AP1AR: variants seen among roughly 807,000 people sequenced by gnomAD.
AP1AR encodes the protein AP-1 complex-associated regulatory protein.
A neutral mutation model predicts 46.3 loss-of-function variants in AP1AR; 29 were observed. That is an observed-to-expected ratio of 0.63 (90% CI 0.47 to 0.85). The LOEUF (loss-of-function observed/expected upper bound fraction) is 0.85. Ranked by LOEUF, AP1AR falls within the 40% of genes least tolerant of loss-of-function variation. The probability of loss-of-function intolerance (pLI) is 0.00; values close to 1 mark genes in which losing one functional copy is unlikely to be tolerated. For synonymous variants in AP1AR, 122 were observed against 122.9 expected (o/e 0.99, Z 0.05); for missense variants, 357 against 356.3 (o/e 1.00, Z -0.02).
chr4:112,265,311 C>A (rs776571852), intron 7 of AP1AR: 21 of 402,574 alleles, frequency 5.2e-5, no homozygotes, highest in Non-Finnish European at 8.8e-5. Flanking sequence ...AGATGTGATA[C>A]AATAGCTGAA....
chr4:112,237,372 A>T (rs1004110118), intron 1 of AP1AR, among the ~76,000 whole-genome samples: 3 of 151,882 alleles, frequency 2.0e-5, no homozygotes, highest in African/African-American at 7.2e-5. Context: ...TCCTAAAGTG[A>T]TGGGATTACA....
intron 1 of AP1AR, among the ~76,000 whole-genome samples, chr4:112,247,438 G>C (rs575654663): frequency 1.3e-5 from 2 of 152,318 alleles, no homozygotes; most frequent in African/African-American, 4.8e-5. Context: ...GTCTCACCCA[G>C]ACTCTTTGTA....
At chr4:112,249,840 G>A (rs942976922) in intron 1 of AP1AR, among the ~76,000 whole-genome samples, 29 of 152,082 alleles carry the variant, frequency 1.9e-4, no homozygotes, top group African/African-American at 7.0e-4. Context: ...CACTGTTGAT[G>A]GGAATGTGAA....
Position 112,269,578 on chromosome 4 carries a change from T to C in AP1AR, c.*1169T>C, listed in dbSNP as rs1726863631. The C allele has an allele frequency of 6.6e-6, 1 of 152,460 alleles. No homozygotes were observed. Among genetic ancestry groups the C allele is most frequent in the Non-Finnish European group, 1.5e-5 (1 of 67,918 alleles). 9.4% of individuals were successfully genotyped at this position (152,460 alleles called of 1,614,324 possible). A position where few individuals can be genotyped will look rare whatever the true frequency, so the allele number is the denominator to read the frequency against. ...GGTTTTTCCTTAATGTTTTTAATTT[T>C]TTTTCCTCTTGCAACAATGACGGTG... On this transcript the variant is annotated 3_prime_UTR_variant, in exon 10 of 10. Coordinates refer to ENST00000274000, the MANE Select transcript of AP1AR (RefSeq NM_018569.6).
intron 1 of AP1AR, among the ~76,000 whole-genome samples, chr4:112,240,920 G>A (rs1725467098): frequency 6.6e-6 from 1 of 152,170 alleles, no homozygotes; most frequent in African/African-American, 2.4e-5. Flanking sequence ...AGATTCAGTG[G>A]CATAGATACA....
intron 4 of AP1AR, among the ~76,000 whole-genome samples, chr4:112,259,376 T>G (rs1035538633): frequency 6.6e-6 from 1 of 152,198 alleles, no homozygotes; most frequent in Non-Finnish European, 1.5e-5. Flanking sequence ...CTATATGACT[T>G]ACTTAGCCAT....
intron 1 of AP1AR, among the ~76,000 whole-genome samples, chr4:112,233,684 CTTTAG>C (rs954457252): frequency 3.9e-5 from 6 of 152,120 alleles, no homozygotes; most frequent in African/African-American, 1.4e-4. Flanking sequence ...TGTCTGTGGA[CTTTAG>C]TTTTGTTTTT....
chr4:112,242,068 A>G (rs1332122038), intron 1 of AP1AR, among the ~76,000 whole-genome samples: 1 of 152,210 alleles, frequency 6.6e-6, no homozygotes, highest in Non-Finnish European at 1.5e-5. Context: ...ATCAATGTAG[A>G]ATTTGTGATA....
intron 1 of AP1AR, among the ~76,000 whole-genome samples, chr4:112,246,779 A>C (rs992968132): frequency 6.6e-6 from 1 of 152,226 alleles, no homozygotes; most frequent in African/African-American, 2.4e-5. Context: ...CAAATAACCC[A>C]TCACCTTGGA....
At chr4:112,263,750 T>G (rs188660542) in intron 6 of AP1AR, among the ~76,000 whole-genome samples, 17 of 152,342 alleles carry the variant, frequency 1.1e-4, no homozygotes, top group Non-Finnish European at 1.9e-4. Flanking sequence ...TTACCTTATT[T>G]AATCCTCACA....
intron 7 of AP1AR, 96 bp downstream of exon 7, chr4:112,265,163 A>G (rs1282168381): frequency 3.5e-6 from 3 of 857,178 alleles, no homozygotes; most frequent in Non-Finnish European, 5.2e-6. Flanking sequence ...ATACGCATTC[A>G]TGTTTATGTG....
chr4:112,250,536 T>G (rs1725909401), intron 1 of AP1AR, among the ~76,000 whole-genome samples: 1 of 152,210 alleles, frequency 6.6e-6, no homozygotes, highest in African/African-American at 2.4e-5. Flanking sequence ...CAGTCATCAA[T>G]AATGTTTGAA....
intron 1 of AP1AR, among the ~76,000 whole-genome samples, chr4:112,236,712 AGTCT>A (rs1197951762): frequency 6.6e-6 from 1 of 151,864 alleles, no homozygotes; most frequent in Non-Finnish European, 1.5e-5. Context: ...TAAATTTAAA[AGTCT>A]TTTTTCCTTC....
At chr4:112,257,414 G>T (rs879341024) in intron 3 of AP1AR, among the ~76,000 whole-genome samples, 1 of 151,968 alleles carries the variant, frequency 6.6e-6, no homozygotes, top group Non-Finnish European at 1.5e-5. Flanking sequence ...AAAAAATGAG[G>T]ATCAACTGTT....
chr4:112,265,840 A>T, intron 8 of AP1AR, 33 bp downstream of exon 8: 1 of 1,382,300 alleles, frequency 7.2e-7, no homozygotes, highest in Non-Finnish European at 1.0e-6. Flanking sequence ...TGTACTTTTT[A>T]TGCCACAGTA....
Position 112,231,838 on chromosome 4 carries a change from G to T in AP1AR, c.-254G>T, listed in dbSNP as rs1023267034. 6 of 373,010 alleles carry T rather than the reference G, an allele frequency of 1.6e-5. No homozygotes were observed. Among genetic ancestry groups the T allele is most frequent in the Non-Finnish European group, 2.9e-5 (6 of 209,918 alleles). The allele number at this position is 373,010 out of a possible 1,614,324, so 23.1% of individuals were successfully genotyped here. A position where few individuals can be genotyped will look rare whatever the true frequency, so the allele number is the denominator to read the frequency against. ...GAGAAGGGCCATGCGGACGGCGAGG[G>T]AGTCCAGAGCCTTGAGCCCGGTGCT... On this transcript the variant is annotated 5_prime_UTR_variant, in exon 1 of 10. The change creates a premature stop within an existing upstream ORF in the 5' untranslated region. Coordinates refer to ENST00000274000, the MANE Select transcript of AP1AR (RefSeq NM_018569.6).
At position 112,269,557 on chromosome 4, in the gene AP1AR, T is replaced by G. The variant is rs1358433573; in HGVS notation, c.*1148T>G. On this transcript the variant is annotated 3_prime_UTR_variant, in exon 10 of 10. Coordinates refer to ENST00000274000, the MANE Select transcript of AP1AR (RefSeq NM_018569.6). ...TTAGTAAGCAAACTGTTTTTTGGTTTTTCCTTAATGTTTTTAATTTTTTTT... is the reference window on the plus strand; with the variant it reads ...TTAGTAAGCAAACTGTTTTTTGGTTGTTCCTTAATGTTTTTAATTTTTTTT... 6.6e-6 allele frequency: 1 copy of G among 152,454 alleles called. No homozygotes were observed. Among genetic ancestry groups the G allele is most frequent in the South Asian group, 2.1e-4 (1 of 4,836 alleles). The allele number at this position is 152,454 out of a possible 1,614,324, so 9.4% of individuals were successfully genotyped here.
intron 3 of AP1AR, 51 bp downstream of exon 3, chr4:112,254,824 C>T (rs759965925): frequency 3.6e-5 from 36 of 987,540 alleles, no homozygotes; most frequent in South Asian, 1.0e-4. Context: ...TCTCATTAAT[C>T]GTCTCATTAG....
chr4:112,256,391 T>G (rs1274040338), intron 3 of AP1AR, among the ~76,000 whole-genome samples: 1 of 152,232 alleles, frequency 6.6e-6, no homozygotes, highest in Non-Finnish European at 1.5e-5. Flanking sequence ...TTAAAGCATC[T>G]GACAAGTGTT....
Sources: gnomAD v4.1 joint callset for allele counts (sites outside exome capture counted in the v4.1 genomes callset) on GRCh38, gnomAD v4.1.1 for gene constraint, MANE v1.5 for transcripts, NCBI Gene and HGNC (gene_info 2026-07-23, HGNC 2026-07-21) for gene names.